The following SH3TC1 variants were observed in gnomAD, a reference collection of about 807,000 sequenced individuals.
SH3TC1 encodes SH3 domain and tetratricopeptide repeats 1, also known as SH3 domain and tetratricopeptide repeat-containing protein 1.
In SH3TC1, 135 loss-of-function variants were observed where a neutral mutation model predicts 117.3. The observed-to-expected ratio is 1.15, with a 90% CI of 1.00 to 1.33. The LOEUF (loss-of-function observed/expected upper bound fraction) is 1.33, where lower values mean the gene tolerates loss of function less well. Among genes scored for constraint, SH3TC1 ranks in the 40% most tolerant of loss-of-function variants. The probability of loss-of-function intolerance (pLI) is 0.00; values close to 1 mark genes in which losing one functional copy is unlikely to be tolerated. For missense variants in SH3TC1, 2,092 were observed against 1,794.3 expected (o/e 1.17, Z -3.00); for synonymous variants, 898 against 816.9 (o/e 1.10, Z -1.69).
Position 8,227,140 on chromosome 4 carries a change from G to A in SH3TC1, c.1446G>A (p.Glu482=), listed in dbSNP as rs759508267. 6.2e-7 allele frequency: 1 copy of A among 1,611,494 alleles called. No homozygotes were observed. Among genetic ancestry groups the A allele is most frequent in the Non-Finnish European group, 8.5e-7 (1 of 1,179,236 alleles). The change falls in exon 12 of 18, where the codon GAG becomes GAA. Residue 482 remains glutamate, a synonymous_variant. Coordinates refer to ENST00000245105, the MANE Select transcript of SH3TC1 (RefSeq NM_018986.5). ...SSDVSLQDPE[E]PSFCLEAEDD... ...ACGTGAGCTTGCAGGACCCCGAGGAGCCCTCCTTCTGCTTGGAAGCCGAGG... is the reference window on the plus strand; with the variant it reads ...ACGTGAGCTTGCAGGACCCCGAGGAACCCTCCTTCTGCTTGGAAGCCGAGG...
chr4:8,218,289 C>T lies in SH3TC1; in HGVS notation c.858C>T (p.Pro286=). 1 of 1,612,470 alleles carries T rather than the reference C, an allele frequency of 6.2e-7. No individual in the cohort carries two copies. Among genetic ancestry groups the T allele is most frequent in the Non-Finnish European group, 8.5e-7 (1 of 1,178,856 alleles). Residue 286 remains proline, a synonymous_variant, in exon 8 of 18, where the codon CCC becomes CCT. Transcript: ENST00000245105. ...GCTCCAGGTGGGCTCTTAGGATCCCCCAGGACCCCATCGACGATGCCATGG... is the reference window on the plus strand; with the variant it reads ...GCTCCAGGTGGGCTCTTAGGATCCCTCAGGACCCCATCGACGATGCCATGG... ...IPFHQWALRI[P]QDPIDDAMGG...
In SH3TC1 at chr4:8,227,156, G is replaced by A; in HGVS notation, c.1462G>A (p.Glu488Lys). Residue 488 changes from glutamate to lysine, a missense_variant, in exon 12 of 18, where the codon GAA (glutamate) becomes AAA (lysine). Physicochemically the swap from Glu to Lys is moderately conservative, Grantham distance 56. Coordinates refer to ENST00000245105, the MANE Select transcript of SH3TC1 (RefSeq NM_018986.5). The part of the protein sequence containing the change: ...QDPEEPSFCL[E>K]AEDDWEDPEA... ...CCCCGAGGAGCCCTCCTTCTGCTTG[G>A]AAGCCGAGGACGACTGGGAGGACCC... 6.2e-7 allele frequency: 1 copy of A among 1,608,754 alleles called. No homozygotes were observed.
chr4:8,196,090 A>G (rs1307568710), upstream of SH3TC1, among the ~76,000 whole-genome samples: 1 of 152,252 alleles, frequency 6.6e-6, no homozygotes, highest in Non-Finnish European at 1.5e-5. This position sits in a 1 kb window ranked among gnomAD's most constrained non-coding sequence, Gnocchi z 4.6. Flanking sequence ...AGGACCCGGC[A>G]CGGGCATTTG....
chr4:8,219,522 C>T lies in SH3TC1; in HGVS notation c.1104C>T (p.Pro368=), dbSNP rs199920442. 63 of 1,560,278 alleles carry T rather than the reference C, an allele frequency of 4.0e-5. No individual in the cohort carries two copies. The East Asian group carries it at 9.5e-4, about 24-fold the overall frequency. ...GCAGCCTCATCAGCATGCAGGGCCC[C>T]GTGTCCGAGTGAGTGGCTGGAGCCC... ...VRSSLISMQG[P]VSELESAIFL... The change falls in exon 9 of 18, where the codon CCC becomes CCT. Residue 368 remains proline (P), a synonymous_variant. Coordinates refer to ENST00000245105, the MANE Select transcript of SH3TC1 (RefSeq NM_018986.5).
chr4:8,227,713 G>A lies in SH3TC1; in HGVS notation c.2019G>A (p.Arg673=). The A allele has an allele frequency of 6.3e-7, 1 of 1,575,916 alleles. No individual in the cohort carries two copies. The highest frequency in any genetic ancestry group is 8.6e-7 in the Non-Finnish European group (1 of 1,158,190). Residue 673 remains arginine (R), a synonymous_variant, in exon 12 of 18, where the codon AGG becomes AGA. Transcript: ENST00000245105. ...AEARACFLLA[R]HHVHLKQPEE... ...CCCGGGCCTGCTTCCTGCTGGCCAG[G>A]CACCACGTGCACCTCAAGCAGCCCG... is the stretch of plus-strand genomic sequence containing the variant.
intron 1 of SH3TC1, among the ~76,000 whole-genome samples, 165 bp downstream of exon 1, chr4:8,199,570 C>G (rs1717693195): frequency 6.6e-6 from 1 of 152,218 alleles, no homozygotes; most frequent in Admixed American, 6.5e-5. Flanking sequence ...AGGTCGTCGG[C>G]ACCCTCAGCA....
chr4:8,202,722 T>G (rs189529212), intron 1 of SH3TC1, among the ~76,000 whole-genome samples: 4 of 152,264 alleles, frequency 2.6e-5, no homozygotes, highest in African/African-American at 9.6e-5. Flanking sequence ...ACTCTGAGCA[T>G]CCCCAGGGAG....
In SH3TC1 at chr4:8,219,461, G is replaced by A. The variant is rs750830682; in HGVS notation, c.1043G>A (p.Arg348Gln). The change falls in exon 9 of 18, where the codon CGA becomes CAA. Residue 348 changes from arginine (R) to glutamine (Q), a missense_variant. Coordinates refer to ENST00000245105, the MANE Select transcript of SH3TC1 (RefSeq NM_018986.5). ...CCCAGCCTGCCCTGGTGCGTGGGCC[G>A]ACACGCAGCCTCGGGCCGGGTGGGG... ...QVPSLPWCVGRHAASGRVGFV... is the reference protein window; with the variant it reads ...QVPSLPWCVGQHAASGRVGFV... 35 of 1,607,446 alleles carry A rather than the reference G, an allele frequency of 2.2e-5. No homozygotes were observed. The highest frequency in any genetic ancestry group is 2.0e-4 in the Admixed American group (12 of 59,556).
At chr4:8,238,108 C>G (rs1721984972) in intron 17 of SH3TC1, among the ~76,000 whole-genome samples, 1 of 152,220 alleles carries the variant, frequency 6.6e-6, no homozygotes, top group Non-Finnish European at 1.5e-5. Context: ...CCTGGCGCCT[C>G]TGCTAGGAAG....
Position 8,209,665 on chromosome 4 carries a change from A to G in SH3TC1, c.173-83A>G, listed in dbSNP as rs1462071874. Reference sequence around the variant, plus strand: ...ACAGAACTCACCTCTTTTCTTGCAGAGAGACCTGGAGCGTTTGGCGCCTTC... The same window carrying G: ...ACAGAACTCACCTCTTTTCTTGCAGGGAGACCTGGAGCGTTTGGCGCCTTC... On this transcript the variant is annotated intron_variant, in intron 2 of 17. Coordinates refer to ENST00000245105, the MANE Select transcript of SH3TC1 (RefSeq NM_018986.5). The surrounding 1 kb of genome is among the most constrained non-coding windows in gnomAD (Gnocchi z 5.9). The G allele has an allele frequency of 1.3e-6, 2 of 1,585,316 alleles. No individual in the cohort carries two copies. Among genetic ancestry groups the G allele is most frequent in the African/African-American group, 2.7e-5 (2 of 74,552 alleles).
At position 8,206,409 on chromosome 4, in the gene SH3TC1, G is replaced by T. The variant is rs1206369013; in HGVS notation, c.172+1043G>T. On this transcript the variant is annotated intron_variant, in intron 2 of 17. Coordinates refer to ENST00000245105, the MANE Select transcript of SH3TC1 (RefSeq NM_018986.5). This position sits in a 1 kb window ranked among gnomAD's most constrained non-coding sequence, Gnocchi z 5.5. ...AGGAAGGGGCTGCGCTGTGCCCAGG[G>T]CCACGAGTGCACAAGGAGACTGAGA... Among the ~76,000 whole-genome samples the T allele has an allele frequency of 6.6e-6, 1 of 152,018 alleles. No homozygotes were observed. Among genetic ancestry groups the T allele is most frequent in the African/African-American group, 2.4e-5 (1 of 41,384 alleles).
In SH3TC1 at chr4:8,237,435, G is replaced by T. The variant is rs371134417; in HGVS notation, c.3557-39G>T. On this transcript the variant is annotated intron_variant, in intron 16 of 17. Coordinates refer to ENST00000245105, the MANE Select transcript of SH3TC1 (RefSeq NM_018986.5). ...GGGGTCTGCATGCCTGCCCCGGGGA[G>T]CCACGTCCTCACACCTGCCCCCTTG... 12 of 1,455,254 alleles carry T rather than the reference G, an allele frequency of 8.2e-6. No individual in the cohort carries two copies. In the South Asian group the frequency reaches 1.7e-4, roughly 21 times the overall value. 90.1% of individuals were successfully genotyped at this position (1,455,254 alleles called of 1,614,324 possible). A position where few individuals can be genotyped will look rare whatever the true frequency, so the allele number is the denominator to read the frequency against.
At chr4:8,238,516 G>A (rs1722025118) in intron 17 of SH3TC1, among the ~76,000 whole-genome samples, 1 of 152,220 alleles carries the variant, frequency 6.6e-6, no homozygotes, top group Non-Finnish European at 1.5e-5. Context: ...CAGGGACTGA[G>A]CTCTTGGGGG....
intron 14 of SH3TC1, among the ~76,000 whole-genome samples, chr4:8,233,994 C>T (rs1399702997): frequency 1.3e-5 from 1 of 77,882 alleles, no homozygotes; most frequent in Non-Finnish European, 3.8e-5. Flanking sequence ...ATCCATCATC[C>T]ATCCATCCTT....
intron 3 of SH3TC1, among the ~76,000 whole-genome samples, chr4:8,212,123 G>C (rs954487946): frequency 3.9e-5 from 6 of 152,076 alleles, no homozygotes; most frequent in Non-Finnish European, 8.8e-5. Flanking sequence ...AGGGGTGGGG[G>C]CCCTCTGCCC....
intron 17 of SH3TC1, among the ~76,000 whole-genome samples, chr4:8,237,918 C>T (rs1431699295): frequency 6.6e-6 from 1 of 152,102 alleles, no homozygotes; most frequent in Non-Finnish European, 1.5e-5. Context: ...ATGGTGGCCT[C>T]TCGGTAAAGA....
chr4:8,190,753 A>C lies in SH3TC1; in HGVS notation c.-57+8543A>C, dbSNP rs1006721096. Among the ~76,000 whole-genome samples, 2 of 151,578 alleles carry C rather than the reference A, an allele frequency of 1.3e-5. No individual in the cohort carries two copies. Among genetic ancestry groups the C allele is most frequent in the Non-Finnish European group, 2.9e-5 (2 of 67,864 alleles). ...ACTCCTGGGCTCAAGCAATGCTCCC[A>C]CCTCAGCCTCCCGAGCAGCTGGGAC... On this transcript the variant is annotated intron_variant, in intron 1 of 16. Coordinates refer to the SH3TC1 transcript ENST00000508641. The surrounding 1 kb of genome is among the most constrained non-coding windows in gnomAD (Gnocchi z 4.7).
rs1056854937 is a variant in SH3TC1, at chr4:8,205,016, G to A, written c.-28-151G>A. The A allele has an allele frequency of 3.7e-6, 2 of 543,176 alleles. No individual in the cohort carries two copies. 33.6% of individuals were successfully genotyped at this position (543,176 alleles called of 1,614,324 possible). A position where few individuals can be genotyped will look rare whatever the true frequency, so the allele number is the denominator to read the frequency against. ...TGCGGGATCACGCCCACCACAACAC[G>A]GTGCACGGTGCGGTGAGGGGCTCGC... On this transcript the variant is annotated intron_variant, in intron 1 of 17. Coordinates refer to ENST00000245105, the MANE Select transcript of SH3TC1 (RefSeq NM_018986.5). The surrounding 1 kb of genome is among the most constrained non-coding windows in gnomAD (Gnocchi z 5.4).
chr4:8,233,482 G>A lies in SH3TC1; in HGVS notation c.3251G>A (p.Arg1084Gln), dbSNP rs143984425. 127 of 1,612,996 alleles carry A rather than the reference G, an allele frequency of 7.9e-5. No individual in the cohort carries two copies. The highest frequency in any genetic ancestry group is 1.8e-4 in the East Asian group (8 of 44,864). The change falls in exon 14 of 18, where the codon CGG (arginine) becomes CAG (glutamine). Residue 1084 changes from arginine (R) to glutamine (Q), a missense_variant. Transcript: ENST00000245105. ...GCAGGGAAGATCTATTACATCTTGC[G>A]GCAGAGCGAGCTGGTGGACCTCTAC... ...LQAGKIYYILRQSELVDLYIQ... is the reference protein window; with the variant it reads ...LQAGKIYYILQQSELVDLYIQ...
Sources: gnomAD v4.1 joint callset for allele counts (sites outside exome capture counted in the v4.1 genomes callset) on GRCh38, gnomAD v4.1.1 for gene constraint, Gnocchi (gnomAD v3.1) non-coding constraint, MANE v1.5 for transcripts, NCBI Gene and HGNC (gene_info 2026-07-23, HGNC 2026-07-21) for gene names.